The following PNPLA1 variants were observed in gnomAD, a reference collection of about 807,000 sequenced individuals.
PNPLA1 encodes the protein omega-hydroxyceramide transacylase.
A neutral mutation model predicts 51.7 loss-of-function variants in PNPLA1; 36 were observed. That is an observed-to-expected ratio of 0.70 (90% CI 0.53 to 0.92). The LOEUF (loss-of-function observed/expected upper bound fraction) is 0.92, where lower values mean the gene tolerates loss of function less well. Among genes scored for constraint, PNPLA1 ranks in the 40% least tolerant of loss-of-function variants. PNPLA1 has a pLI of 0.00. For missense variants in PNPLA1, 658 were observed against 682.5 expected (o/e 0.96, Z 0.40); for synonymous variants, 293 against 280.1 (o/e 1.05, Z -0.46).
rs78911376 is a variant in PNPLA1 at position 36,295,163 on chromosome 6, G to A, written c.715-201G>A. 0.08 allele frequency among the ~76,000 whole-genome samples: 12,178 copies of A among 152,310 alleles called. 549 individuals carry two copies. Among genetic ancestry groups the A allele is most frequent in the Non-Finnish European group, 0.1 (7,041 of 68,014 alleles). ...ATGAATGGTGTAACTCATGAACGGA[G>A]CATCACTGGGGCGTGTGATCAGGAA... On this transcript the variant is annotated intron_variant, in intron 4 of 8. Transcript: ENST00000636260.
At chr6:36,292,543 C>T (rs1278104337) in intron 2 of PNPLA1, among the ~76,000 whole-genome samples, 1 of 152,224 alleles carries the variant, frequency 6.6e-6, no homozygotes, top group Non-Finnish European at 1.5e-5. Flanking sequence ...TGCTGAAACC[C>T]AGTCCCTCCT....
At chr6:36,279,660 C>A (rs1053176203) in intron 1 of PNPLA1, among the ~76,000 whole-genome samples, 1 of 152,124 alleles carries the variant, frequency 6.6e-6, no homozygotes, top group Non-Finnish European at 1.5e-5. Flanking sequence ...ACCCATCTCG[C>A]CCTTGGTTTT....
chr6:36,277,965 A>C lies in PNPLA1; in HGVS notation c.205+7301A>C, dbSNP rs538140863. Among the ~76,000 whole-genome samples the C allele has an allele frequency of 8.5e-5, 13 of 152,336 alleles. No individual in the cohort carries two copies. In the East Asian group the frequency reaches 1.2e-3, roughly 14 times the overall value. ...CTGCCCCTGTGGCAGTGGGAGCATG[A>C]GTGCCTCAGTCTTGCAGCAGGGGGC... On this transcript the variant is annotated intron_variant, in intron 1 of 8. Coordinates refer to ENST00000636260, the MANE Select transcript of PNPLA1 (RefSeq NM_001374623.1).
intron 1 of PNPLA1, among the ~76,000 whole-genome samples, chr6:36,271,238 A>C (rs996936343): frequency 7.9e-5 from 12 of 152,140 alleles, no homozygotes; most frequent in African/African-American, 2.9e-4. Context: ...CTCTCACTTC[A>C]CCTTCTGTCC....
At chr6:36,279,458 C>T (rs1001187394) in intron 1 of PNPLA1, among the ~76,000 whole-genome samples, 1 of 152,230 alleles carries the variant, frequency 6.6e-6, no homozygotes, top group Non-Finnish European at 1.5e-5. Flanking sequence ...ACTGGGGAGT[C>T]AAGCCTTCCT....
chr6:36,300,178 T>TGAGA (rs71548136), intron 5 of PNPLA1, among the ~76,000 whole-genome samples: 4,660 of 98,110 alleles, frequency 0.047, 277 homozygotes, highest in African/African-American at 0.12. Flanking sequence ...TGTGTGTGTG[T>TGAGA]GAGAGAGAGA....
At chr6:36,307,547 C>A in intron 7 of PNPLA1, 40 bp from the exon 8 acceptor site, 1 of 1,604,454 alleles carries the variant, frequency 6.2e-7, no homozygotes, top group Non-Finnish European at 8.5e-7. Context: ...GGACCGAGGT[C>A]AGGCCCATAA....
chr6:36,282,052 A>AGAAAGAAAGAAAGAAT (rs747558240), intron 1 of PNPLA1, among the ~76,000 whole-genome samples: 6 of 90,632 alleles, frequency 6.6e-5, no homozygotes, highest in Non-Finnish European at 1.4e-4. Context: ...AAGGAAAGAA[A>AGAAAGAAAGAAAGAAT]GAAAGAAAGA....
intron 1 of PNPLA1, among the ~76,000 whole-genome samples, chr6:36,286,931 C>T (rs1422821662): frequency 6.6e-6 from 1 of 152,116 alleles, no homozygotes; most frequent in Non-Finnish European, 1.5e-5. Context: ...AGCGATCCTC[C>T]CATCTCAGCC....
chr6:36,252,624 C>T (rs1769447520), intron 1 of PNPLA1, among the ~76,000 whole-genome samples: 1 of 151,644 alleles, frequency 6.6e-6, no homozygotes. Context: ...ACCCACTCCA[C>T]AAGACAGTCT....
intron 5 of PNPLA1, 74 bp downstream of exon 5, chr6:36,295,498 T>A: frequency 6.8e-7 from 1 of 1,465,998 alleles, no homozygotes; most frequent in Non-Finnish European, 9.6e-7. Context: ...AAGGGCTGAA[T>A]GGAGGGGTAT....
In PNPLA1 at chr6:36,294,313, G is replaced by A. The variant is rs757347525; in HGVS notation, c.628G>A (p.Asp210Asn). ...CCGGGACTGCCCGGCCATCTTCCAC[G>A]ACTTCCGCATGTTCAACTGCTCCTT... ...CPRDCPAIFH[D>N]FRMFNCSFQF... is the part of the protein sequence containing the mutation. The change falls in exon 4 of 9, where the codon GAC becomes AAC. Residue 210 changes from aspartate to asparagine, a missense_variant. By Grantham distance (23) the Asp-to-Asn change is conservative. Transcript: ENST00000636260. This position sits in a 1 kb window ranked among gnomAD's most constrained non-coding sequence, Gnocchi z 4.2. The A allele has an allele frequency of 1.2e-5, 19 of 1,614,138 alleles. No individual in the cohort carries two copies. The highest frequency in any genetic ancestry group is 8.3e-5 in the Admixed American group (5 of 60,030).
chr6:36,248,895 G>C (rs369886430), intron 1 of PNPLA1, among the ~76,000 whole-genome samples: 9 of 152,158 alleles, frequency 5.9e-5, no homozygotes, highest in African/African-American at 1.4e-4. Context: ...TCTGAAAAAG[G>C]GGGGGTGTGG....
At chr6:36,305,274 C>G (rs180947385) in intron 6 of PNPLA1, among the ~76,000 whole-genome samples, 51 of 152,044 alleles carry the variant, frequency 3.4e-4, no homozygotes, top group African/African-American at 7.0e-4. Context: ...CAGTGTGGCC[C>G]AAGGAAGCCA....
chr6:36,253,770 C>A (rs1769472301), intron 1 of PNPLA1, among the ~76,000 whole-genome samples: 1 of 152,204 alleles, frequency 6.6e-6, no homozygotes, highest in South Asian at 2.1e-4. Flanking sequence ...TGAGTCACTG[C>A]TCCTGGCCAG....
chr6:36,275,948 T>TTTTCTTTCTTTC (rs547037174), intron 1 of PNPLA1, among the ~76,000 whole-genome samples: 2 of 141,300 alleles, frequency 1.4e-5, no homozygotes, highest in African/African-American at 5.5e-5. Flanking sequence ...ACCTATGGCA[T>TTTTCTTTCTTTC]TTTCTTTCTT....
At chr6:36,280,938 T>C (rs1268437414) in intron 1 of PNPLA1, among the ~76,000 whole-genome samples, 1 of 152,188 alleles carries the variant, frequency 6.6e-6, no homozygotes, top group Non-Finnish European at 1.5e-5. Flanking sequence ...TATAAGCACG[T>C]GCCACCATGT....
Position 36,299,324 on chromosome 6 carries a change from T to C in PNPLA1, c.776-2537T>C, listed in dbSNP as rs866238466. On this transcript the variant is annotated intron_variant, in intron 5 of 8. Coordinates refer to ENST00000636260, the MANE Select transcript of PNPLA1 (RefSeq NM_001374623.1). ...TCCAAAACTTTTGGGGTTTTTTTTG[T>C]TTTTTTGTCTGTTTTTTTTTTTTTT... Among the ~76,000 whole-genome samples the C allele has an allele frequency of 2.7e-3, 224 of 81,808 alleles. 1 individual carries two copies. The highest frequency in any genetic ancestry group is 4.8e-3 in the Non-Finnish European group (185 of 38,224). 53.7% of individuals were successfully genotyped at this position (81,808 alleles called of 152,430 possible).
At chr6:36,262,301 G>T (rs12173412) in intron 1 of PNPLA1, among the ~76,000 whole-genome samples, 10,048 of 151,998 alleles carry the variant, frequency 0.066, 476 homozygotes, top group African/African-American at 0.14. Flanking sequence ...ACTCTGCCCT[G>T]AATCCCCAGA....
Sources: gnomAD v4.1 joint callset for allele counts (sites outside exome capture counted in the v4.1 genomes callset) on GRCh38, gnomAD v4.1.1 for gene constraint, Gnocchi (gnomAD v3.1) non-coding constraint, MANE v1.5 for transcripts, NCBI Gene and HGNC (gene_info 2026-07-23, HGNC 2026-07-21) for gene names.